The following MYOF variants were observed in gnomAD, a reference collection of about 807,000 sequenced individuals.
The protein encoded by MYOF is fer-1-like 3, myoferlin.
Under a neutral mutation model 284.2 loss-of-function variants are expected in MYOF, and 244 were observed. The ratio of observed to expected loss-of-function variants is 0.86; its 90% confidence interval spans 0.77 to 0.95. The LOEUF is 0.95. Among genes scored for constraint, MYOF ranks in the 40% least tolerant of loss-of-function variants. The pLI is 0.00. For synonymous variants in MYOF, 904 were observed against 919.7 expected (o/e 0.98, Z 0.31); for missense variants, 2,496 against 2,560.6 (o/e 0.97, Z 0.54).
rs34488205 is a variant in MYOF at position 93,441,997 on chromosome 10, AACACACACACACACACAC to A, written c.236+10035_236+10052del. Among the ~76,000 whole-genome samples the A allele has an allele frequency of 4.0e-3, 537 of 133,054 alleles. 3 individuals carry two copies. Among genetic ancestry groups the A allele is most frequent in the African/African-American group, 0.015 (506 of 34,894 alleles). The allele number at this position is 133,054 out of a possible 152,430, so 87.3% of individuals were successfully genotyped here. ...TTTTAGCACCCTGGCCCTCAACCTG[AACACACACACACACACAC>A]ACACACACACACACACACACACACA... On this transcript the variant is annotated intron_variant, in intron 3 of 53. Transcript: ENST00000359263.
intron 48 of MYOF, among the ~76,000 whole-genome samples, chr10:93,321,568 C>T (rs1272478342): frequency 6.6e-6 from 1 of 151,886 alleles, no homozygotes; most frequent in Non-Finnish European, 1.5e-5. Context: ...TGACTATTAA[C>T]TTTTAAGGTA....
In MYOF at chr10:93,310,122, G is replaced by T. The variant is rs777412010; in HGVS notation, c.6045C>A (p.Thr2015=). The change falls in exon 53 of 54, where the codon ACC becomes ACA. Residue 2015 remains threonine, a synonymous_variant. Transcript: ENST00000359263. ...AGCGGCGCCACACGATGAACTTCAT[G>T]GTCTTGCATGGGTTGGTGAACCAGA... ...SFLWFTNPCK[T]MKFIVWRRFK... is the part of the protein sequence containing the mutation. 5 of 1,614,014 alleles carry T rather than the reference G, an allele frequency of 3.1e-6. No homozygotes were observed. The South Asian group carries it at 5.5e-5, about 18-fold the overall frequency.
Position 93,369,761 on chromosome 10 carries a change from T to A in MYOF, c.2473A>T (p.Asn825Tyr). 4 of 1,614,136 alleles carry A rather than the reference T, an allele frequency of 2.5e-6. No homozygotes were observed. The highest frequency in any genetic ancestry group is 3.4e-6 in the Non-Finnish European group (4 of 1,180,012). ...TIFLKYPQEK[N>Y]NGPKVPVELR... Reference sequence around the variant, plus strand: ...TCCACAGGCACCTTTGGCCCGTTGTTTTTCTCCTGTGGATACTGTGAGATG... The same window carrying A: ...TCCACAGGCACCTTTGGCCCGTTGTATTTCTCCTGTGGATACTGTGAGATG... Residue 825 changes from asparagine (N) to tyrosine (Y), a missense_variant, in exon 25 of 54, where the codon AAC (asparagine) becomes TAC (tyrosine). By Grantham distance (143) the Asn-to-Tyr change is moderately radical (BLOSUM62 -2). Coordinates refer to ENST00000359263, the MANE Select transcript of MYOF (RefSeq NM_013451.4).
At chr10:93,382,090 TA>T (rs1846149046) in intron 19 of MYOF, among the ~76,000 whole-genome samples, 1 of 152,172 alleles carries the variant, frequency 6.6e-6, no homozygotes, top group African/African-American at 2.4e-5. Flanking sequence ...TTAATATTCA[TA>T]AAGGCATATT....
chr10:93,424,929 ATTTTTTT>A (rs11376911), intron 5 of MYOF, among the ~76,000 whole-genome samples: 11 of 77,762 alleles, frequency 1.4e-4, no homozygotes, highest in East Asian at 1.1e-3. Context: ...GGAGAATTCC[ATTTTTTT>A]TTTTTTTTTT....
At chr10:93,335,299 G>A in intron 41 of MYOF, among the ~76,000 whole-genome samples, 1 of 152,124 alleles carries the variant, frequency 6.6e-6, no homozygotes, top group East Asian at 1.9e-4. Context: ...AGGGTGGAGT[G>A]TGTGAGGGGG....
chr10:93,385,606 C>G (rs1846325481), intron 19 of MYOF, among the ~76,000 whole-genome samples: 1 of 152,180 alleles, frequency 6.6e-6, no homozygotes. Flanking sequence ...GCTCCTGTTG[C>G]TTGAAGTGTG....
intron 1 of MYOF, among the ~76,000 whole-genome samples, chr10:93,464,447 G>A (rs754154220): frequency 6.6e-6 from 1 of 152,130 alleles, no homozygotes; most frequent in Non-Finnish European, 1.5e-5. Flanking sequence ...GAAGTAACAC[G>A]ATGGTAACAC....
intron 3 of MYOF, among the ~76,000 whole-genome samples, chr10:93,441,561 C>CTTTT (rs148461507): frequency 2.4e-5 from 3 of 125,060 alleles, no homozygotes; most frequent in Non-Finnish European, 3.4e-5. Flanking sequence ...ATTTTTGTAT[C>CTTTT]TTTTTTTTTT....
rs57700900 is a variant in MYOF, at chr10:93,442,041, C to CACACACACAGAG, written c.236+10008_236+10009insCTCTGTGTGTGT. ...ACACACACACACACACACACACACA[C>CACACACACAGAG]AGAATAAACCTTGGAAAGTCTGGGC... is the stretch of plus-strand genomic sequence containing the variant. On this transcript the variant is annotated intron_variant, in intron 3 of 53. Transcript: ENST00000359263. 8.0e-4 allele frequency among the ~76,000 whole-genome samples: 114 copies of CACACACACAGAG among 142,734 alleles called. No individual in the cohort carries two copies. In the Middle Eastern group the frequency reaches 0.011, roughly 14 times the overall value. The allele number at this position is 142,734 out of a possible 152,430, so 93.6% of individuals were successfully genotyped here.
rs1240047071 is a variant in MYOF, at chr10:93,388,534, C to T, written c.1581+496G>A. On this transcript the variant is annotated intron_variant, in intron 18 of 53. Transcript: ENST00000359263. ...CCACCTCCACAGCCAGTCTTTTACCCTTCCCCTCTGAGGGCTTTTTCTCTC... is the reference window on the plus strand; with the variant it reads ...CCACCTCCACAGCCAGTCTTTTACCTTTCCCCTCTGAGGGCTTTTTCTCTC... Among the ~76,000 whole-genome samples, 8 of 152,200 alleles carry T rather than the reference C, an allele frequency of 5.3e-5. No homozygotes were observed. The East Asian group carries it at 1.5e-3, about 29-fold the overall frequency.
intron 5 of MYOF, among the ~76,000 whole-genome samples, chr10:93,415,727 G>A (rs186441721): frequency 1.3e-5 from 2 of 152,192 alleles, no homozygotes; most frequent in Non-Finnish European, 2.9e-5. Flanking sequence ...CAACTCTTCC[G>A]CATTTGCACA....
intron 5 of MYOF, among the ~76,000 whole-genome samples, chr10:93,412,459 C>A (rs541395538): frequency 6.6e-6 from 1 of 152,180 alleles, no homozygotes; most frequent in Non-Finnish European, 1.5e-5. Context: ...CTACTCTCTA[C>A]CAGGTAAGTT....
At chr10:93,446,303 G>A (rs1328449915) in intron 3 of MYOF, among the ~76,000 whole-genome samples, 1 of 152,214 alleles carries the variant, frequency 6.6e-6, no homozygotes, top group Admixed American at 6.5e-5. Flanking sequence ...CCTGGCCATA[G>A]GGTCTGAAGT....
chr10:93,445,562 T>C (rs906332142), intron 3 of MYOF, among the ~76,000 whole-genome samples: 1 of 152,226 alleles, frequency 6.6e-6, no homozygotes, highest in African/African-American at 2.4e-5. Context: ...GCTGGTTGGA[T>C]GACTGTAAAG....
rs545328144 is a variant in MYOF at position 93,435,606 on chromosome 10, T to G, written c.237-4090A>C. On this transcript the variant is annotated intron_variant, in intron 3 of 53. Coordinates refer to ENST00000359263, the MANE Select transcript of MYOF (RefSeq NM_013451.4). ...ATGCTTTCCAGCTCTAACAATCTGT[T>G]GCTAGGCTTGTATATGTGATGCTTT... 4.2e-4 allele frequency among the ~76,000 whole-genome samples: 64 copies of G among 152,352 alleles called. No homozygotes were observed. The East Asian group carries it at 0.01, about 25-fold the overall frequency.
intron 34 of MYOF, 39 bp from the exon 35 acceptor site, chr10:93,351,334 G>T: frequency 6.2e-7 from 1 of 1,608,948 alleles, no homozygotes; most frequent in Non-Finnish European, 8.5e-7. Flanking sequence ...CCTCACTTTA[G>T]TTCAAGCAAA....
chr10:93,361,393 C>G, intron 28 of MYOF, 59 bp downstream of exon 28: 8 of 1,547,670 alleles, frequency 5.2e-6, no homozygotes. Context: ...GAAACTTTAT[C>G]CTGGTTAACC....
intron 5 of MYOF, among the ~76,000 whole-genome samples, chr10:93,411,605 G>A (rs1210641549): frequency 6.6e-6 from 1 of 152,174 alleles, no homozygotes; most frequent in African/African-American, 2.4e-5. Context: ...TGGGGCACTG[G>A]AGCAGTCCAT....
Sources: gnomAD v4.1 joint callset for allele counts (sites outside exome capture counted in the v4.1 genomes callset) on GRCh38, gnomAD v4.1.1 for gene constraint, MANE v1.5 for transcripts, NCBI Gene and HGNC (gene_info 2026-07-23, HGNC 2026-07-21) for gene names.